NTAQ1: variants seen among roughly 807,000 people sequenced by gnomAD.
The protein encoded by NTAQ1 is N-terminal glutamine amidase 1, also known as protein N-terminal glutamine amidohydrolase.
Under a neutral mutation model 28.2 loss-of-function variants are expected in NTAQ1, and 21 were observed. The observed-to-expected ratio is 0.74, with a 90% CI of 0.53 to 1.07. NTAQ1 has a LOEUF of 1.07. Ranked by LOEUF, NTAQ1 falls within the 50% of genes least tolerant of loss-of-function variation. The probability of loss-of-function intolerance (pLI) is 0.00; values close to 1 mark genes in which losing one functional copy is unlikely to be tolerated. For synonymous variants in NTAQ1, 105 were observed against 90.0 expected (o/e 1.17, Z -0.94); for missense variants, 264 against 256.6 (o/e 1.03, Z -0.20).
intron 1 of NTAQ1, among the ~76,000 whole-genome samples, chr8:123,420,483 A>G (rs911005794): frequency 6.6e-6 from 1 of 152,092 alleles, no homozygotes; most frequent in Admixed American, 6.6e-5. Context: ...TTCTTTGAAA[A>G]ATCTCCAAAC....
rs71310677 is a variant in NTAQ1, at chr8:123,421,512, C to CTT, written c.83+4593_83+4594dup. On this transcript the variant is annotated intron_variant, in intron 1 of 5. Coordinates refer to ENST00000287387, the MANE Select transcript of NTAQ1 (RefSeq NM_018024.3). ...TTGGCCATGTGCATGTCTCTTTTTC[C>CTT]TTTTTTTTTTTTTTGAGATGGAGTC... Among the ~76,000 whole-genome samples the CTT allele has an allele frequency of 5.2e-5, 7 of 133,894 alleles. 1 individual carries two copies. Among genetic ancestry groups the CTT allele is most frequent in the Non-Finnish European group, 7.9e-5 (5 of 63,692 alleles). The allele number at this position is 133,894 out of a possible 152,430, so 87.8% of individuals were successfully genotyped here.
chr8:123,452,566 C>T (rs1225536706), downstream of NTAQ1, among the ~76,000 whole-genome samples: 1 of 151,428 alleles, frequency 6.6e-6, no homozygotes, highest in South Asian at 2.1e-4. Flanking sequence ...CATTGCACTC[C>T]AGCCTGGGTG....
At chr8:123,421,662 C>T (rs1474239068) in intron 1 of NTAQ1, among the ~76,000 whole-genome samples, 1 of 151,270 alleles carries the variant, frequency 6.6e-6, no homozygotes, top group Non-Finnish European at 1.5e-5. Context: ...GTGTGCACCA[C>T]CATGCCCAGC....
Position 123,416,797 on chromosome 8 carries a change from G to A in NTAQ1, c.-53G>A, listed in dbSNP as rs879292531. ...CCACTACAAGCCCGCCCTTTCCTAC[G>A]TCTGGTCCAGTCGGTCTTCCTCCGG... On this transcript the variant is annotated 5_prime_UTR_variant, in exon 1 of 6. Coordinates refer to ENST00000287387, the MANE Select transcript of NTAQ1 (RefSeq NM_018024.3). The A allele has an allele frequency of 4.8e-5, 71 of 1,492,464 alleles. No individual in the cohort carries two copies. Among genetic ancestry groups the A allele is most frequent in the Non-Finnish European group, 6.1e-5 (68 of 1,119,774 alleles). 92.5% of individuals were successfully genotyped at this position (1,492,464 alleles called of 1,614,324 possible).
rs4416808 is a variant in NTAQ1, at chr8:123,441,303, T to G, written c.509-3T>G. ...GACATTTTTTTTTCATATATTTTTT[T>G]AGATTCCAAAATGAACCTGAACGAT... On this transcript the variant is annotated splice_region_variant and splice_polypyrimidine_tract_variant and intron_variant, in intron 5 of 5. Transcript: ENST00000287387. The G allele has an allele frequency of 1.3e-6, 2 of 1,595,756 alleles. No individual in the cohort carries two copies. Among genetic ancestry groups the G allele is most frequent in the East Asian group, 4.6e-5 (2 of 43,512 alleles).
intron 1 of NTAQ1, among the ~76,000 whole-genome samples, chr8:123,426,292 C>CA (rs1176994061): frequency 2.0e-5 from 3 of 152,146 alleles, no homozygotes; most frequent in Non-Finnish European, 4.4e-5. Flanking sequence ...AAAGACCTGT[C>CA]ACGTAGAAGA....
chr8:123,465,509 G>A (rs1815938946), intron 6 of NTAQ1, among the ~76,000 whole-genome samples: 1 of 143,704 alleles, frequency 7.0e-6, no homozygotes, highest in Admixed American at 7.0e-5. Context: ...TTTTAAGAGT[G>A]TTCTGTAAAT....
At chr8:123,451,278 T>C (rs1815483405), downstream of NTAQ1, among the ~76,000 whole-genome samples, 1 of 152,252 alleles carries the variant, frequency 6.6e-6, no homozygotes, top group Admixed American at 6.5e-5. Context: ...TACCCTTTTT[T>C]CTTCATAGCA....
downstream of NTAQ1, among the ~76,000 whole-genome samples, chr8:123,443,150 G>A (rs1471280594): frequency 1.3e-5 from 2 of 152,094 alleles, no homozygotes; most frequent in African/African-American, 4.8e-5. Context: ...CTCCCGAGTA[G>A]CTGGGATTAC....
chr8:123,456,488 T>G (rs1815653645), intron 6 of NTAQ1, among the ~76,000 whole-genome samples: 1 of 152,182 alleles, frequency 6.6e-6, no homozygotes, highest in African/African-American at 2.4e-5. Context: ...ATTCTGTAAT[T>G]ACCTCATTGC....
At chr8:123,453,374 G>A (rs1418186514) in intron 6 of NTAQ1, among the ~76,000 whole-genome samples, 1 of 151,536 alleles carries the variant, frequency 6.6e-6, no homozygotes. Context: ...TTGTGTGTGT[G>A]TTGGCAGGGA....
downstream of NTAQ1, among the ~76,000 whole-genome samples, chr8:123,445,564 G>A (rs992187937): frequency 1.4e-4 from 21 of 152,020 alleles, no homozygotes; most frequent in Non-Finnish European, 2.6e-4. Context: ...TTTTGTTTAT[G>A]TGTCTTCATA....
At chr8:123,440,502 C>CTTTT (rs554416057) in intron 5 of NTAQ1, among the ~76,000 whole-genome samples, 1 of 123,906 alleles carries the variant, frequency 8.1e-6, no homozygotes, top group Non-Finnish European at 1.7e-5. Context: ...TTCCTTTCTT[C>CTTTT]TTTTTTTTTT....
chr8:123,428,976 A>G (rs1814236431), intron 2 of NTAQ1, among the ~76,000 whole-genome samples: 2 of 152,162 alleles, frequency 1.3e-5, no homozygotes, highest in South Asian at 4.1e-4. Flanking sequence ...GCATACTCTC[A>G]GTTTTAAAGT....
chr8:123,438,723 T>A (rs7840703), intron 5 of NTAQ1, among the ~76,000 whole-genome samples: 108,239 of 151,082 alleles, frequency 0.72, 39,044 homozygotes, highest in East Asian at 0.93. Context: ...GAAAGTAAAA[T>A]ATACATTTGG....
At chr8:123,428,902 A>AT (rs113536247) in intron 2 of NTAQ1, among the ~76,000 whole-genome samples, 100 of 150,338 alleles carry the variant, frequency 6.7e-4, no homozygotes, top group African/African-American at 2.4e-3. Context: ...GTGCCTGGCC[A>AT]TTTTTTTTTC....
At chr8:123,456,882 A>G (rs1052932282) in intron 6 of NTAQ1, among the ~76,000 whole-genome samples, 2 of 152,230 alleles carry the variant, frequency 1.3e-5, no homozygotes, top group Admixed American at 6.5e-5. Context: ...CTAGGAATTT[A>G]TCTTACAGAT....
chr8:123,431,974 A>G (rs1010475054), intron 3 of NTAQ1, among the ~76,000 whole-genome samples: 4 of 152,094 alleles, frequency 2.6e-5, no homozygotes, highest in African/African-American at 9.7e-5. Flanking sequence ...CTTGGAGGGG[A>G]AGGACCTGTA....
downstream of NTAQ1, among the ~76,000 whole-genome samples, chr8:123,474,347 A>C (rs538977272): frequency 1.3e-5 from 2 of 152,332 alleles, no homozygotes; most frequent in South Asian, 4.1e-4. Context: ...GCTGGTCAGT[A>C]ACCTTGTAGA....
Sources: gnomAD v4.1 joint callset for allele counts (sites outside exome capture counted in the v4.1 genomes callset) on GRCh38, gnomAD v4.1.1 for gene constraint, MANE v1.5 for transcripts, NCBI Gene and HGNC (gene_info 2026-07-23, HGNC 2026-07-21) for gene names.